LINGO2: variants seen among roughly 807,000 people sequenced by gnomAD.
The protein encoded by LINGO2 is leucine rich repeat and Ig domain containing 2, also known as leucine-rich repeat and immunoglobulin-like domain-containing nogo receptor-interacting protein 2.
LINGO2 carries 14 observed loss-of-function variants against 30.6 expected under a neutral mutation model. The observed-to-expected ratio is 0.46, with a 90% CI of 0.30 to 0.72. LINGO2 has a LOEUF of 0.72. Among genes scored for constraint, LINGO2 ranks in the 30% least tolerant of loss-of-function variants. The probability of loss-of-function intolerance (pLI) is 0.07; values close to 1 mark genes in which losing one functional copy is unlikely to be tolerated. For missense variants in LINGO2, 729 were observed against 751.7 expected, an observed-to-expected ratio of 0.97 and a Z score of 0.35; for synonymous variants, 317 against 288.5, an observed-to-expected ratio of 1.10 and a Z score of -1.00.
At chr9:28,525,657 AGT>A (rs1820996208) in intron 1 of LINGO2, among the ~76,000 whole-genome samples, 1 of 152,138 alleles carries the variant, frequency 6.6e-6, no homozygotes. Context: ...TCTAAGTGGG[AGT>A]GTATGTGAGG....
At chr9:29,114,607 G>A in the LINGO2 span, among the ~76,000 whole-genome samples, 1 of 132,618 alleles carries the variant, frequency 7.5e-6, no homozygotes, top group South Asian at 2.3e-4. Flanking sequence ...CTGTGTCTAT[G>A]TGTTCTCATT....
At chr9:28,939,581 A>C in the LINGO2 span, among the ~76,000 whole-genome samples, 1 of 152,162 alleles carries the variant, frequency 6.6e-6, no homozygotes, top group Non-Finnish European at 1.5e-5. Context: ...TATCTCTGGA[A>C]GATGTGATCA....
intron 3 of LINGO2, among the ~76,000 whole-genome samples, chr9:28,348,475 C>G (rs1375989932): frequency 6.6e-6 from 1 of 152,210 alleles, no homozygotes; most frequent in African/African-American, 2.4e-5. Context: ...AGATTATATC[C>G]TGCACCTGGC....
At chr9:28,145,040 G>C (rs1018861409) in intron 4 of LINGO2, among the ~76,000 whole-genome samples, 5 of 152,158 alleles carry the variant, frequency 3.3e-5, no homozygotes, top group African/African-American at 1.2e-4. Flanking sequence ...GTGCTTTCTG[G>C]CCATCAAGGA....
chr9:28,175,165 G>A (rs1467495071), intron 4 of LINGO2, among the ~76,000 whole-genome samples: 2 of 152,068 alleles, frequency 1.3e-5, no homozygotes, highest in South Asian at 2.1e-4. Flanking sequence ...CAAAGTTGTG[G>A]AAGACTGCCA....
In LINGO2 at chr9:28,411,808, G is replaced by A. The variant is rs927780032; in HGVS notation, c.-278-38940C>T. 3.3e-5 allele frequency among the ~76,000 whole-genome samples: 5 copies of A among 152,158 alleles called. No individual in the cohort carries two copies. The East Asian group carries it at 7.7e-4, about 24-fold the overall frequency. On this transcript the variant is annotated intron_variant, in intron 2 of 5. Transcript: ENST00000379992. ...CAGAAGGGATATTGCTGGATAACTG[G>A]TAAATCTATCTTTAAGTCTTTGAAG...
chr9:27,965,743 T>C (rs2118663371), intron 5 of LINGO2, among the ~76,000 whole-genome samples: 1 of 152,244 alleles, frequency 6.6e-6, no homozygotes, highest in African/African-American at 2.4e-5. Flanking sequence ...ATATATAGTA[T>C]GCCTATTCTA....
At chr9:29,053,583 A>C in the LINGO2 span, among the ~76,000 whole-genome samples, 1 of 152,328 alleles carries the variant, frequency 6.6e-6, no homozygotes. Flanking sequence ...TAAAAGAAAA[A>C]GAAAAATATT....
At chr9:28,713,660 G>A in the LINGO2 span, among the ~76,000 whole-genome samples, 2 of 152,106 alleles carry the variant, frequency 1.3e-5, no homozygotes, top group Admixed American at 6.6e-5. Flanking sequence ...CAGGATTTGA[G>A]TAAGCAGTTT....
the LINGO2 span, among the ~76,000 whole-genome samples, chr9:28,948,435 A>G: frequency 5.8e-3 from 889 of 152,196 alleles, 12 homozygotes; most frequent in African/African-American, 0.02. Context: ...AAGCTTTTAT[A>G]AATCTATAAA....
intron 4 of LINGO2, among the ~76,000 whole-genome samples, chr9:28,198,139 A>C (rs974282144): frequency 1.3e-5 from 2 of 151,446 alleles, no homozygotes; most frequent in Non-Finnish European, 3.0e-5. Flanking sequence ...TATTTGAGGA[A>C]CAACATTGAG....
chr9:28,295,140 T>C (rs73431337), intron 4 of LINGO2, 68 bp downstream of exon 6: 1 of 152,508 alleles, frequency 6.6e-6, no homozygotes, highest in African/African-American at 2.4e-5. Context: ...ATTATTCATA[T>C]ATTTTGGCAG....
the LINGO2 span, among the ~76,000 whole-genome samples, chr9:29,033,378 C>CTATATATATATATATA: frequency 4.2e-3 from 587 of 140,774 alleles, 2 homozygotes; most frequent in African/African-American, 0.014. Context: ...AACTGCTTTA[C>CTATATATATATATATA]TATATATATA....
the LINGO2 span, among the ~76,000 whole-genome samples, chr9:28,769,497 TATATATATA>T: frequency 9.4e-5 from 1 of 10,630 alleles, no homozygotes; most frequent in Admixed American, 1.5e-3. Context: ...TATATATATA[TATATATATA>T]TATATATATA....
In LINGO2 at chr9:28,449,032, C is replaced by CGTGTGTGTGTGT. The variant is rs140779747; in HGVS notation, c.-279+26896_-279+26907dup. ...TCCATTCTGCCTATGTATTCACATT[C>CGTGTGTGTGTGT]GTGTGTGTGTGTGTGTGTGTGTGTG... On this transcript the variant is annotated intron_variant, in intron 2 of 5. Transcript: ENST00000379992. Among the ~76,000 whole-genome samples, 314 of 137,984 alleles carry CGTGTGTGTGTGT rather than the reference C, an allele frequency of 2.3e-3. 6 individuals carry two copies. The highest frequency in any genetic ancestry group is 3.8e-3 in the Middle Eastern group (1 of 266). 90.5% of individuals were successfully genotyped at this position (137,984 alleles called of 152,430 possible).
intron 4 of LINGO2, among the ~76,000 whole-genome samples, chr9:28,074,156 G>A (rs906395994): frequency 3.9e-5 from 6 of 152,260 alleles, no homozygotes; most frequent in African/African-American, 9.6e-5. Context: ...AATGACAACT[G>A]CAGCACAACT....
At chr9:28,951,542 T>C in the LINGO2 span, among the ~76,000 whole-genome samples, 1 of 152,154 alleles carries the variant, frequency 6.6e-6, no homozygotes, top group Admixed American at 6.5e-5. Flanking sequence ...CAGCTTATTC[T>C]GACCTGACAG....
chr9:28,529,596 A>AT (rs1821153577), intron 1 of LINGO2, among the ~76,000 whole-genome samples: 1 of 150,898 alleles, frequency 6.6e-6, no homozygotes, highest in Non-Finnish European at 1.5e-5. Context: ...CCAGTTGCAA[A>AT]TTGCAAATAC....
chr9:28,324,057 T>A (rs1825139819), intron 3 of LINGO2, among the ~76,000 whole-genome samples: 1 of 152,270 alleles, frequency 6.6e-6, no homozygotes, highest in East Asian at 1.9e-4. Flanking sequence ...TGGTGTGTTA[T>A]ACTGAGGAAA....
Sources: gnomAD v4.1 joint callset for allele counts (sites outside exome capture counted in the v4.1 genomes callset) on GRCh38, gnomAD v4.1.1 for gene constraint, MANE v1.5 for transcripts, NCBI Gene and HGNC (gene_info 2026-07-23, HGNC 2026-07-21) for gene names.